Variants in CFAP74 observed in about 807,000 individuals in gnomAD.
The protein encoded by CFAP74 is cilia and flagella associated protein 74, also known as cilia- and flagella-associated protein 74.
Under a neutral mutation model 188.9 loss-of-function variants are expected in CFAP74, and 124 were observed. The observed-to-expected ratio is 0.66, with a 90% confidence interval of 0.57 to 0.76. The LOEUF (loss-of-function observed/expected upper bound fraction) is 0.76, where lower values mean the gene tolerates loss of function less well. Ranked by LOEUF, CFAP74 falls within the 30% of genes least tolerant of loss-of-function variation. The probability of loss-of-function intolerance (pLI) is 0.00; values close to 1 mark genes in which losing one functional copy is unlikely to be tolerated. For missense variants in CFAP74, 2,198 were observed against 2,165.2 expected (o/e 1.02, Z -0.30); for synonymous variants, 956 against 916.7 (o/e 1.04, Z -0.77).
At chr1:1,954,854 C>T (rs1169007492) in intron 18 of CFAP74, 5 of 1,151,442 alleles carry the variant, frequency 4.3e-6, no homozygotes, top group Admixed American at 4.8e-5. Flanking sequence ...GGCATGAGCC[C>T]CAGCCAGGTG....
Position 1,926,737 on chromosome 1 carries a change from C to T in CFAP74, c.3687G>A (p.Glu1229=). Residue 1229 remains glutamate (E), a synonymous_variant, in exon 30 of 39, where the codon GAG becomes GAA. Transcript: ENST00000682832. Reference sequence around the variant, plus strand: ...ATGGTGCCACCGTCGGGCACCACAGCTCCAGGTACAGGGTGTTGTGGGGGC... The same window carrying T: ...ATGGTGCCACCGTCGGGCACCACAGTTCCAGGTACAGGGTGTTGTGGGGGC... ...SFSPHNTLYL[E]LWCPTVAPSV... is the part of the protein sequence containing the mutation. The T allele has an allele frequency of 6.5e-7, 1 of 1,550,124 alleles. No individual in the cohort carries two copies. Among genetic ancestry groups the T allele is most frequent in the South Asian group, 1.2e-5 (1 of 84,066 alleles).
In CFAP74 at chr1:1,923,097, G is replaced by A. The variant is rs1260362891; in HGVS notation, c.4571C>T (p.Pro1524Leu). Residue 1524 changes from proline to leucine, a missense_variant, in exon 37 of 39, where the codon CCC becomes CTC. Coordinates refer to ENST00000682832, the MANE Select transcript of CFAP74 (RefSeq NM_001304360.2). The surrounding 1 kb of genome is among the most constrained non-coding windows in gnomAD (Gnocchi z 6.3). ...GATGTAGTCCAGGGTCACCAGGATGGGCCTCAGCTCCTCAGCTTCTGGAGA... is the reference window on the plus strand; with the variant it reads ...GATGTAGTCCAGGGTCACCAGGATGAGCCTCAGCTCCTCAGCTTCTGGAGA... ...PLSPEAEELR[P>L]ILVTLDYIQF... 1.2e-6 allele frequency: 2 copies of A among 1,609,926 alleles called. No individual in the cohort carries two copies. The highest frequency in any genetic ancestry group is 2.2e-5 in the East Asian group (1 of 44,880).
chr1:1,928,892 G>T lies in CFAP74; in HGVS notation c.3289-10C>A. ...CCTGGACCAGGCACCTCTGAGGAGA[G>T]ACCAGCGTGGGCACAGGGGTTGCCA... On this transcript the variant is annotated splice_polypyrimidine_tract_variant and intron_variant, in intron 26 of 38. Coordinates refer to ENST00000682832, the MANE Select transcript of CFAP74 (RefSeq NM_001304360.2). 6.5e-7 allele frequency: 1 copy of T among 1,529,368 alleles called. No homozygotes were observed. 94.7% of individuals were successfully genotyped at this position (1,529,368 alleles called of 1,614,324 possible). A position where few individuals can be genotyped will look rare whatever the true frequency, so the allele number is the denominator to read the frequency against.
chr1:1,944,501 A>C (rs773152151), intron 20 of CFAP74, 49 bp from the exon 21 acceptor site: 6 of 1,525,764 alleles, frequency 3.9e-6, no homozygotes. Context: ...TGGGCACAGC[A>C]GGCATTGTTG....
rs1653463481 is a variant in CFAP74, at chr1:1,942,652, G to A, written c.2487-496C>T. Among the ~76,000 whole-genome samples the A allele has an allele frequency of 6.6e-6, 1 of 152,156 alleles. No individual in the cohort carries two copies. The highest frequency in any genetic ancestry group is 2.4e-5 in the African/African-American group (1 of 41,432). On this transcript the variant is annotated intron_variant, in intron 21 of 38. Coordinates refer to ENST00000682832, the MANE Select transcript of CFAP74 (RefSeq NM_001304360.2). The surrounding 1 kb of genome is among the most constrained non-coding windows in gnomAD (Gnocchi z 4.3). ...CCAAGACGAGCCTGAGAGAGCCAAGGTACCCGCCAGTCACCTGGGAGGCCA... is the reference window on the plus strand; with the variant it reads ...CCAAGACGAGCCTGAGAGAGCCAAGATACCCGCCAGTCACCTGGGAGGCCA...
intron 15 of CFAP74, 41 bp from the exon 16 acceptor site, chr1:1,959,250 A>T: frequency 2.2e-6 from 3 of 1,353,792 alleles, no homozygotes; most frequent in African/African-American, 1.5e-5. Flanking sequence ...CACTTCTGCA[A>T]CTTTTGTGTG....
chr1:1,946,563 C>T (rs1004781510), intron 19 of CFAP74, 124 bp from the exon 20 acceptor site: 10 of 1,218,898 alleles, frequency 8.2e-6, no homozygotes, highest in Non-Finnish European at 1.1e-5. Context: ...CCTGGGTGGC[C>T]ACTTGGCCAC....
Position 1,938,857 on chromosome 1 carries a change from G to A in CFAP74, c.3009C>T (p.Asn1003=), listed in dbSNP as rs2102044111. Residue 1003 remains asparagine (N), a splice_region_variant and synonymous_variant, in exon 25 of 39, where the codon AAC becomes AAT. Coordinates refer to ENST00000682832, the MANE Select transcript of CFAP74 (RefSeq NM_001304360.2). ...TCCCCTCTCCCTGGCAGGCTCACCG[G>A]TTGATCTCAGACTTGCAGGTCAGTT... is the stretch of plus-strand genomic sequence containing the variant. ...RFQLTCKSEI[N]RCFKLSCRAV... 17 of 1,536,088 alleles carry A rather than the reference G, an allele frequency of 1.1e-5. No individual in the cohort carries two copies. The highest frequency in any genetic ancestry group is 1.5e-5 in the Non-Finnish European group (17 of 1,146,850).
intron 25 of CFAP74, among the ~76,000 whole-genome samples, chr1:1,932,085 AAC>A (rs141232011): frequency 0.014 from 651 of 45,264 alleles, 47 homozygotes; most frequent in African/African-American, 0.039. Context: ...AAAAACAAAA[AAC>A]AAAAAACAAA....
intron 23 of CFAP74, among the ~76,000 whole-genome samples, chr1:1,940,040 T>C (rs1653256037): frequency 6.6e-6 from 1 of 152,216 alleles, no homozygotes; most frequent in Admixed American, 6.5e-5. Context: ...CATAGACGTG[T>C]GCAGCTGAGT....
At chr1:1,981,296 G>A (rs1247772681) in intron 6 of CFAP74, among the ~76,000 whole-genome samples, 1 of 152,224 alleles carries the variant, frequency 6.6e-6, no homozygotes, top group Non-Finnish European at 1.5e-5. Context: ...TCACCACATT[G>A]GCCACGGAGA....
In CFAP74 at chr1:1,926,220, G is replaced by C; in HGVS notation, c.3948+8C>G. On this transcript the variant is annotated splice_region_variant and intron_variant, in intron 32 of 38. Transcript: ENST00000682832. ...CCGCAGTGTGGCCAGGGTGGGCCTG[G>C]GACTCACCAGGATGCTCTCGTGGGG... 3 of 1,498,332 alleles carry C rather than the reference G, an allele frequency of 2.0e-6. No homozygotes were observed. The South Asian group carries it at 4.0e-5, about 20-fold the overall frequency. The allele number at this position is 1,498,332 out of a possible 1,614,324, so 92.8% of individuals were successfully genotyped here. A position where few individuals can be genotyped will look rare whatever the true frequency, so the allele number is the denominator to read the frequency against.
At chr1:1,949,527 G>A (rs1654074029) in intron 18 of CFAP74, among the ~76,000 whole-genome samples, 1 of 142,374 alleles carries the variant, frequency 7.0e-6, no homozygotes, top group Non-Finnish European at 1.5e-5. Context: ...GGAATAAGTT[G>A]CATATAGTAA....
intron 16 of CFAP74, among the ~76,000 whole-genome samples, chr1:1,957,937 T>C (rs923760088): frequency 6.6e-6 from 1 of 152,162 alleles, no homozygotes; most frequent in Non-Finnish European, 1.5e-5. Context: ...AGGACGGCAG[T>C]GGTCCCTGCA....
chr1:1,930,299 G>C lies in CFAP74; in HGVS notation c.3049C>G (p.Pro1017Ala), dbSNP rs1175464580. 1 of 1,532,290 alleles carries C rather than the reference G, an allele frequency of 6.5e-7. No individual in the cohort carries two copies. The highest frequency in any genetic ancestry group is 2.0e-5 in the Admixed American group (1 of 50,892). 94.9% of individuals were successfully genotyped at this position (1,532,290 alleles called of 1,614,324 possible). Residue 1017 changes from proline (P) to alanine (A), a missense_variant, in exon 26 of 39, where the codon CCA becomes GCA. Physicochemically the swap from Pro to Ala is conservative, Grantham distance 27 (BLOSUM62 -1). Coordinates refer to ENST00000682832, the MANE Select transcript of CFAP74 (RefSeq NM_001304360.2). ...KLSCRAVGVH[P>A]PLELSHYQIK... Reference sequence around the variant, plus strand: ...TGGTAGTGGGACAGCTCCAGGGGTGGGTGGACGCCTACAGCCCGGCAAGAC... The same window carrying C: ...TGGTAGTGGGACAGCTCCAGGGGTGCGTGGACGCCTACAGCCCGGCAAGAC...
intron 1 of CFAP74, among the ~76,000 whole-genome samples, chr1:1,991,597 C>T (rs1185231810): frequency 6.6e-6 from 1 of 151,492 alleles, no homozygotes; most frequent in Non-Finnish European, 1.5e-5. Context: ...AGCGAGACTC[C>T]ATCTCAAGAA....
At position 1,985,489 on chromosome 1, in the gene CFAP74, C is replaced by T. The variant is rs2102101247; in HGVS notation, c.397G>A (p.Ala133Thr). Residue 133 changes from alanine to threonine, a missense_variant and splice_region_variant, in exon 6 of 39, where the codon GCC becomes ACC. Coordinates refer to ENST00000682832, the MANE Select transcript of CFAP74 (RefSeq NM_001304360.2). Reference protein sequence around the residue: ...IATEEEAGNMAAVGRLQAVSR... With the variant: ...IATEEEAGNMTAVGRLQAVSR... ...ACGGCCTGGAGGCGGCCCACAGCGG[C>T]CCTGCAGTGGTGAACGGACAGGCCG... 2.5e-6 allele frequency: 4 copies of T among 1,613,328 alleles called. No homozygotes were observed. The highest frequency in any genetic ancestry group is 3.4e-6 in the Non-Finnish European group (4 of 1,179,728).
intron 14 of CFAP74, among the ~76,000 whole-genome samples, chr1:1,961,691 A>G (rs1029994736): frequency 6.6e-6 from 1 of 152,166 alleles, no homozygotes; most frequent in African/African-American, 2.4e-5. Context: ...TCCAGACTTA[A>G]AATTAACCAT....
rs1202272098 is a variant in CFAP74 at position 1,926,907 on chromosome 1, G to T, written c.3649C>A (p.Pro1217Thr). 3 of 1,549,942 alleles carry T rather than the reference G, an allele frequency of 1.9e-6. No individual in the cohort carries two copies. The highest frequency in any genetic ancestry group is 1.7e-6 in the Non-Finnish European group (2 of 1,146,798). ...AGCACCCCGCACCTGAAGCTCAGGG[G>T]TTCTGACCCCTTCCTGTCTTTGATG... ...GDIKDRKGSEPLSFSPHNTLY... is the reference protein window; with the variant it reads ...GDIKDRKGSETLSFSPHNTLY... The change falls in exon 29 of 39, where the codon CCC becomes ACC. Residue 1217 changes from proline to threonine, a missense_variant. Pro to Thr is a conservative substitution (Grantham distance 38). Transcript: ENST00000682832.
Sources: gnomAD v4.1 joint callset for allele counts (sites outside exome capture counted in the v4.1 genomes callset) on GRCh38, gnomAD v4.1.1 for gene constraint, Gnocchi (gnomAD v3.1) non-coding constraint, MANE v1.5 for transcripts, NCBI Gene and HGNC (gene_info 2026-07-23, HGNC 2026-07-21) for gene names.